LYZL2: variants seen among roughly 807,000 people sequenced by gnomAD.
LYZL2 encodes lysozyme like 2.
Under a neutral mutation model 17.1 loss-of-function variants are expected in LYZL2, and 13 were observed. The observed-to-expected ratio is 0.76, with a 90% confidence interval of 0.49 to 1.21. The LOEUF (loss-of-function observed/expected upper bound fraction) is 1.21, where lower values mean the gene tolerates loss of function less well. Ranked by LOEUF, LYZL2 falls within the 50% of genes most tolerant of loss-of-function variation. The probability of loss-of-function intolerance (pLI) is 0.00; values close to 1 mark genes in which losing one functional copy is unlikely to be tolerated. For missense variants in LYZL2, 166 were observed against 189.2 expected (o/e 0.88, Z 0.72); for synonymous variants, 63 against 74.4 (o/e 0.85, Z 0.79).
rs1173215938 is a variant in LYZL2, at chr10:30,611,983, T to C, written c.419A>G (p.Asp140Gly). The C allele has an allele frequency of 5.0e-6, 8 of 1,614,164 alleles. No individual in the cohort carries two copies. Among genetic ancestry groups the C allele is most frequent in the Non-Finnish European group, 6.8e-6 (8 of 1,180,030 alleles). ...GGAAACCTCACAGTCTTTTTTCCAG[T>C]CGGACAGGTCTCTCCCCTCACAGTG... ...KKHCEGRDLSDWKKDCEVS is the reference protein window; with the variant it reads ...KKHCEGRDLSGWKKDCEVS The change falls in exon 5 of 5, where the codon GAC (aspartate) becomes GGC (glycine). Residue 140 changes from aspartate (D) to glycine (G), a missense_variant. Coordinates refer to ENST00000647634, the MANE Select transcript of LYZL2 (RefSeq NM_183058.3).
chr10:30,612,277 C>T (rs765783225), intron 4 of LYZL2, among the ~76,000 whole-genome samples: 5 of 152,222 alleles, frequency 3.3e-5, no homozygotes, highest in Non-Finnish European at 7.3e-5. Flanking sequence ...GTCACACCCA[C>T]ATCTGTGAAA....
At chr10:30,619,565 AC>A (rs1355476473) in intron 3 of LYZL2, among the ~76,000 whole-genome samples, 1 of 151,898 alleles carries the variant, frequency 6.6e-6, no homozygotes, top group Admixed American at 6.6e-5. Context: ...TTCTCAGCAA[AC>A]TATCACAAGG....
At chr10:30,613,133 G>T (rs565281052) in intron 3 of LYZL2, among the ~76,000 whole-genome samples, 102 of 152,294 alleles carry the variant, frequency 6.7e-4, no homozygotes, top group African/African-American at 2.4e-3. Flanking sequence ...CAGAGGAAGA[G>T]CCCAATCCTG....
In LYZL2 at chr10:30,626,100, C is replaced by T; in HGVS notation, c.298+5G>A. 2.5e-6 allele frequency: 4 copies of T among 1,612,878 alleles called. No homozygotes were observed. Among genetic ancestry groups the T allele is most frequent in the Non-Finnish European group, 3.4e-6 (4 of 1,179,230 alleles). On this transcript the variant is annotated splice_donor_5th_base_variant and intron_variant, in intron 3 of 4. Coordinates refer to ENST00000647634, the MANE Select transcript of LYZL2 (RefSeq NM_183058.3). ...GATGGCATCACTGGAAAGTCAGAGC[C>T]TCACCTGAGCAGGCGACGTGGCAGT...
At chr10:30,617,213 T>C (rs549370647) in intron 3 of LYZL2, among the ~76,000 whole-genome samples, 7 of 152,222 alleles carry the variant, frequency 4.6e-5, no homozygotes, top group African/African-American at 1.7e-4. Flanking sequence ...GGCAGGGCAG[T>C]TTGCTTGGCT....
intron 3 of LYZL2, among the ~76,000 whole-genome samples, chr10:30,624,214 G>A (rs1340189480): frequency 6.6e-6 from 1 of 152,180 alleles, no homozygotes; most frequent in African/African-American, 2.4e-5. Context: ...ACACACAGTT[G>A]GCGTCAATGG....
At chr10:30,614,519 G>A (rs749332233) in intron 3 of LYZL2, among the ~76,000 whole-genome samples, 1 of 152,210 alleles carries the variant, frequency 6.6e-6, no homozygotes, top group Non-Finnish European at 1.5e-5. Flanking sequence ...ACTGCAGCGG[G>A]GGCAGCATGT....
At chr10:30,610,994 G>A (rs1048840228), downstream of LYZL2, among the ~76,000 whole-genome samples, 2 of 152,072 alleles carry the variant, frequency 1.3e-5, no homozygotes, top group African/African-American at 4.8e-5. Flanking sequence ...GTACTCTTAA[G>A]GGGGTCCCGC....
chr10:30,626,280 C>G lies in LYZL2; in HGVS notation c.140-17G>C. Reference sequence around the variant, plus strand: ...TGCAGATCCCTGGAGGGGGGAAAGCCAGAAACGCCAGCAAAGGAGGTGCCA... The same window carrying G: ...TGCAGATCCCTGGAGGGGGGAAAGCGAGAAACGCCAGCAAAGGAGGTGCCA... On this transcript the variant is annotated splice_polypyrimidine_tract_variant and intron_variant, in intron 2 of 4. Coordinates refer to ENST00000647634, the MANE Select transcript of LYZL2 (RefSeq NM_183058.3). 1 of 1,611,990 alleles carries G rather than the reference C, an allele frequency of 6.2e-7. No homozygotes were observed. Among genetic ancestry groups the G allele is most frequent in the Non-Finnish European group, 8.5e-7 (1 of 1,178,838 alleles).
intron 3 of LYZL2, among the ~76,000 whole-genome samples, chr10:30,616,569 T>A (rs1838531099): frequency 6.6e-6 from 1 of 152,252 alleles, no homozygotes; most frequent in African/African-American, 2.4e-5. Flanking sequence ...CTTCTTGAGA[T>A]ATAAATATTT....
downstream of LYZL2, chr10:30,611,703 A>AAAGAAAGAAAGAAAGAAAGAAAGAAAG (rs1838445672): frequency 3.6e-6 from 1 of 280,100 alleles, no homozygotes; most frequent in African/African-American, 1.3e-4. Flanking sequence ...AAAGAAAGAA[A>AAAGAAAGAAAGAAAGAAAGAAAGAAAG]AAGAAAGAAA....
In LYZL2 at chr10:30,611,805, T is replaced by C; in HGVS notation, c.*150A>G. On this transcript the variant is annotated 3_prime_UTR_variant, in exon 5 of 5. Coordinates refer to ENST00000647634, the MANE Select transcript of LYZL2 (RefSeq NM_183058.3). ...CAGGGTGAAGACATTTAAATGGAAA[T>C]ATTTATTTTCTTAAAAGTATAGCTT... is the stretch of plus-strand genomic sequence containing the variant. 7.3e-7 allele frequency: 1 copy of C among 1,373,716 alleles called. No individual in the cohort carries two copies. The highest frequency in any genetic ancestry group is 1.0e-6 in the Non-Finnish European group (1 of 1,001,312). The allele number at this position is 1,373,716 out of a possible 1,614,324, so 85.1% of individuals were successfully genotyped here. A position where few individuals can be genotyped will look rare whatever the true frequency, so the allele number is the denominator to read the frequency against.
intron 3 of LYZL2, among the ~76,000 whole-genome samples, chr10:30,623,327 G>A (rs185525600): frequency 1.8e-4 from 27 of 152,010 alleles, no homozygotes; most frequent in Non-Finnish European, 3.5e-4. Flanking sequence ...CACATTCACC[G>A]TAAGACACAT....
At position 30,629,673 on chromosome 10, in the gene LYZL2, C is replaced by G. The variant is rs369451269; in HGVS notation, c.-106G>C. On this transcript the variant is annotated 5_prime_UTR_variant, in exon 1 of 5. Coordinates refer to ENST00000647634, the MANE Select transcript of LYZL2 (RefSeq NM_183058.3). ...CGGAAGAAACACTGCTCCACTTAGT[C>G]GGTGACAGGCAGCTCAGGGGAGCGT... The G allele has an allele frequency of 4.3e-6, 7 of 1,613,954 alleles. No individual in the cohort carries two copies. The highest frequency in any genetic ancestry group is 3.3e-4 in the Middle Eastern group (2 of 6,056).
At chr10:30,624,058 G>A (rs917663988) in intron 3 of LYZL2, among the ~76,000 whole-genome samples, 1 of 152,068 alleles carries the variant, frequency 6.6e-6, no homozygotes, top group East Asian at 1.9e-4. Flanking sequence ...CCTCTTACTT[G>A]CTTTAGTTTA....
At chr10:30,614,757 C>T (rs1235979477) in intron 3 of LYZL2, among the ~76,000 whole-genome samples, 1 of 152,136 alleles carries the variant, frequency 6.6e-6, no homozygotes, top group African/African-American at 2.4e-5. Context: ...AGGAAACCAA[C>T]ATAGCAGCAT....
At chr10:30,613,439 A>G (rs1723347539) in intron 3 of LYZL2, among the ~76,000 whole-genome samples, 1 of 151,570 alleles carries the variant, frequency 6.6e-6, no homozygotes, top group African/African-American at 2.4e-5. Flanking sequence ...CAAAGCTGAA[A>G]TGAGTTGTGT....
In LYZL2 at chr10:30,626,063, C is replaced by T. The variant is rs961369082; in HGVS notation, c.298+42G>A. 1.9e-6 allele frequency: 3 copies of T among 1,589,366 alleles called. No individual in the cohort carries two copies. In the African/African-American group the frequency reaches 4.0e-5, roughly 21 times the overall value. On this transcript the variant is annotated intron_variant, in intron 3 of 4. Transcript: ENST00000647634. ...GGTGATCCCATTGTCGGCTTTCTCA[C>T]CTGGTCCTGAGGATGGCATCACTGG...
chr10:30,628,860 C>T (rs1838760992), intron 1 of LYZL2, among the ~76,000 whole-genome samples: 1 of 152,316 alleles, frequency 6.6e-6, no homozygotes, highest in Non-Finnish European at 1.5e-5. Flanking sequence ...CAAGCGTGGG[C>T]AAACCAGGCC....
Sources: gnomAD v4.1 joint callset for allele counts (sites outside exome capture counted in the v4.1 genomes callset) on GRCh38, gnomAD v4.1.1 for gene constraint, MANE v1.5 for transcripts, NCBI Gene and HGNC (gene_info 2026-07-23, HGNC 2026-07-21) for gene names.